The following MEF2C variants were observed in gnomAD, a reference collection of about 807,000 sequenced individuals.
The protein encoded by MEF2C is myocyte enhancer factor 2C.
Under a neutral mutation model 50.5 loss-of-function variants are expected in MEF2C, and 6 were observed. The ratio of observed to expected loss-of-function variants is 0.12; its 90% CI spans 0.07 to 0.23. MEF2C has a LOEUF of 0.23. MEF2C is among the 10% of genes least tolerant of loss of function. The pLI is 1.00. For synonymous variants in MEF2C, 183 were observed against 228.0 expected, an observed-to-expected ratio of 0.80 and a Z score of 1.78; for missense variants, 276 against 605.0, an observed-to-expected ratio of 0.46 and a Z score of 5.70.
intron 1 of MEF2C, among the ~76,000 whole-genome samples, chr5:88,857,088 G>T (rs796282695): frequency 4.6e-5 from 7 of 152,312 alleles, no homozygotes; most frequent in African/African-American, 1.7e-4. Flanking sequence ...AAAGCCACAG[G>T]GGCAGAGCTG....
chr5:88,801,501 T>A (rs966620973), intron 3 of MEF2C, among the ~76,000 whole-genome samples: 2 of 151,954 alleles, frequency 1.3e-5, no homozygotes, highest in African/African-American at 4.8e-5. Context: ...GAACTTTTTT[T>A]TTTTTTTTTG....
chr5:88,812,277 A>G (rs1441657013), intron 2 of MEF2C, among the ~76,000 whole-genome samples: 1 of 152,174 alleles, frequency 6.6e-6, no homozygotes, highest in Non-Finnish European at 1.5e-5. Context: ...ACTTGGCTAA[A>G]TAAATAAATG....
At position 88,838,623 on chromosome 5, in the gene MEF2C, CA is replaced by C. The variant is rs910969856; in HGVS notation, c.-142-14694del. ...TCTCATCCCCAAAGCTTGAAGCAGT[CA>C]TTTTGCTTTCCTTCAAAGTACCTTG... is the stretch of plus-strand genomic sequence containing the variant. On this transcript the variant is annotated intron_variant, in intron 1 of 10. Transcript: ENST00000504921. The C allele has an allele frequency of 8.1e-6, 8 of 985,134 alleles. No individual in the cohort carries two copies. In the African/African-American group the frequency reaches 1.4e-4, roughly 17 times the overall value. 61.0% of individuals were successfully genotyped at this position (985,134 alleles called of 1,614,324 possible).
intron 2 of MEF2C, among the ~76,000 whole-genome samples, chr5:88,811,210 A>G (rs1802648833): frequency 6.6e-6 from 1 of 152,188 alleles, no homozygotes; most frequent in Non-Finnish European, 1.5e-5. Context: ...GGAACCATTG[A>G]AAGAATCTGG....
chr5:88,769,360 G>A (rs1232988556), intron 3 of MEF2C, among the ~76,000 whole-genome samples: 3 of 152,106 alleles, frequency 2.0e-5, no homozygotes, highest in South Asian at 4.1e-4. Context: ...TGATTCTGGG[G>A]CCAATCAGAT....
intron 3 of MEF2C, among the ~76,000 whole-genome samples, chr5:88,781,067 G>C (rs1200037049): frequency 6.6e-6 from 1 of 151,690 alleles, no homozygotes; most frequent in Non-Finnish European, 1.5e-5. Flanking sequence ...AATTACTTTT[G>C]ACTCCTAGTT....
chr5:88,733,525 C>T, intron 6 of MEF2C: 1 of 985,268 alleles, frequency 1.0e-6, no homozygotes, highest in African/African-American at 1.7e-5. Flanking sequence ...CTGGAGACTA[C>T]TTTGATGGCC....
chr5:88,729,539 A>G (rs2152232389), intron 8 of MEF2C, 192 bp from the exon 9 acceptor site: 1 of 572,464 alleles, frequency 1.7e-6, no homozygotes, highest in East Asian at 3.2e-5. Flanking sequence ...CTGTTGCCAT[A>G]GTAACCCATT....
chr5:88,788,918 T>C (rs1792367373), intron 3 of MEF2C, among the ~76,000 whole-genome samples: 1 of 152,178 alleles, frequency 6.6e-6, no homozygotes, highest in South Asian at 2.1e-4. Context: ...TCAATAAACT[T>C]ATGTCCTATT....
intron 3 of MEF2C, among the ~76,000 whole-genome samples, chr5:88,769,198 C>G (rs1257996300): frequency 1.3e-5 from 2 of 152,194 alleles, no homozygotes; most frequent in Non-Finnish European, 2.9e-5. Context: ...TACTATAAAT[C>G]TGAATTAAGC....
At chr5:88,756,947 A>G (rs1775642817) in intron 4 of MEF2C, among the ~76,000 whole-genome samples, 1 of 152,196 alleles carries the variant, frequency 6.6e-6, no homozygotes, top group African/African-American at 2.4e-5. Context: ...AGAACTGGCT[A>G]TGTAATTTGC....
In MEF2C at chr5:88,722,654, C is replaced by G; in HGVS notation, c.1372G>C (p.Glu458Gln). The change falls in exon 11 of 11, where the codon GAA becomes CAA. Residue 458 changes from glutamate (E) to glutamine (Q), a missense_variant. Physicochemically the swap from Glu to Gln is conservative, Grantham distance 29. This residue lies in a region of MEF2C where 256 missense variants were observed against 468.1 expected (regional missense o/e 0.55). Transcript: ENST00000504921. The stretch of plus-strand genomic sequence containing the variant: ...CGCATGCGCTTGACTGAGGGACTTT[C>G]CCTTTCGTCCGGCGAAGGTCTGGTG... ...GLTRPSPDER[E>Q]SPSVKRMRLS... The G allele has an allele frequency of 6.2e-7, 1 of 1,613,758 alleles. No individual in the cohort carries two copies. The highest frequency in any genetic ancestry group is 8.5e-7 in the Non-Finnish European group (1 of 1,179,876).
At chr5:88,746,705 A>C (rs1391325381) in intron 6 of MEF2C, 1 of 985,234 alleles carries the variant, frequency 1.0e-6, no homozygotes, top group African/African-American at 1.7e-5. Flanking sequence ...CAGCACGGAT[A>C]TATTCAGCCT....
At chr5:88,729,390 A>G in intron 8 of MEF2C, 43 bp from the exon 9 acceptor site, 1 of 1,506,152 alleles carries the variant, frequency 6.6e-7, no homozygotes, top group South Asian at 1.2e-5. Context: ...AATTTTTTTA[A>G]AAGTTAAAAA....
chr5:88,894,508 TCAGGGATTTGCTA>T (rs1347037837), intron 1 of MEF2C, among the ~76,000 whole-genome samples: 3 of 152,218 alleles, frequency 2.0e-5, no homozygotes, highest in African/African-American at 7.2e-5. Context: ...AGAAATCTCC[TCAGGGATTTGCTA>T]CACAGTCTTA....
intron 3 of MEF2C, among the ~76,000 whole-genome samples, chr5:88,789,312 A>G (rs907007386): frequency 5.3e-5 from 8 of 151,932 alleles, no homozygotes; most frequent in Non-Finnish European, 5.9e-5. Flanking sequence ...GAGTACAGGT[A>G]TGCACCACCA....
chr5:88,739,339 T>TA (rs966310862), intron 6 of MEF2C: 629 of 912,446 alleles, frequency 6.9e-4, no homozygotes, highest in Middle Eastern at 1.1e-3. Flanking sequence ...TTACTCACTT[T>TA]AAAAAAAAAA....
At chr5:88,780,163 A>T (rs1787189490) in intron 3 of MEF2C, among the ~76,000 whole-genome samples, 1 of 152,062 alleles carries the variant, frequency 6.6e-6, no homozygotes, top group African/African-American at 2.4e-5. Flanking sequence ...AAAAAGAAAA[A>T]GAAAAAAGAA....
At chr5:88,734,376 AT>A in intron 6 of MEF2C, 1 of 985,316 alleles carries the variant, frequency 1.0e-6, no homozygotes, top group Non-Finnish European at 1.2e-6. Flanking sequence ...AAGCAGTGCA[AT>A]GAAGCTTGAA....
Sources: gnomAD v4.1 joint callset for allele counts (sites outside exome capture counted in the v4.1 genomes callset) on GRCh38, gnomAD v4.1.1 for gene constraint, gnomAD v4.1.1 regional missense constraint, MANE v1.5 for transcripts, NCBI Gene and HGNC (gene_info 2026-07-23, HGNC 2026-07-21) for gene names.